RBM17: variants seen among roughly 807,000 people sequenced by gnomAD.
RBM17 encodes the protein RNA binding motif protein 17.
In RBM17, 7 loss-of-function variants were observed where a neutral mutation model predicts 53.2. The observed-to-expected ratio is 0.13, with a 90% confidence interval of 0.07 to 0.25. RBM17 has a LOEUF of 0.25. Ranked by LOEUF, RBM17 falls within the 10% of genes least tolerant of loss-of-function variation. The pLI is 1.00. For missense variants in RBM17, 257 were observed against 496.7 expected (o/e 0.52, Z 4.59); for synonymous variants, 167 against 178.1 (o/e 0.94, Z 0.50).
intron 1 of RBM17, among the ~76,000 whole-genome samples, chr10:6,090,319 A>G (rs943866801): frequency 1.3e-5 from 2 of 152,236 alleles, no homozygotes; most frequent in Admixed American, 6.5e-5. Context: ...ATGCAACACA[A>G]GTTTCCACAT....
chr10:6,107,916 A>G (rs1840778258), intron 5 of RBM17, among the ~76,000 whole-genome samples: 1 of 152,204 alleles, frequency 6.6e-6, no homozygotes, highest in Non-Finnish European at 1.5e-5. Flanking sequence ...TATTATGTAT[A>G]CGTAATCCAT....
chr10:6,108,754 T>C lies in RBM17; in HGVS notation c.562+12T>C, dbSNP rs1381915367. ...GAAAGACAAAGAGTGTAAGTAGATC[T>C]GTTTCTTCCTCTTTTATTCTGATAC... is the stretch of plus-strand genomic sequence containing the variant. On this transcript the variant is annotated intron_variant, in intron 6 of 11. Coordinates refer to ENST00000379888, the MANE Select transcript of RBM17 (RefSeq NM_032905.5). The C allele has an allele frequency of 1.9e-6, 3 of 1,601,500 alleles. No homozygotes were observed. Among genetic ancestry groups the C allele is most frequent in the Non-Finnish European group, 1.7e-6 (2 of 1,169,478 alleles).
At chr10:6,095,603 G>A (rs150612695) in intron 1 of RBM17, among the ~76,000 whole-genome samples, 159 of 152,224 alleles carry the variant, frequency 1.0e-3, no homozygotes, top group African/African-American at 3.7e-3. Context: ...GGCCTTGCGG[G>A]GACCTTTCAT....
chr10:6,114,322 A>G, intron 10 of RBM17, 175 bp downstream of exon 10: 2 of 478,784 alleles, frequency 4.2e-6, no homozygotes, highest in South Asian at 2.3e-5. Context: ...CATAAAGACA[A>G]TGATTTCAAG....
intron 11 of RBM17, 50 bp from the exon 12 acceptor site, chr10:6,115,403 C>T (rs780235364): frequency 2.0e-6 from 3 of 1,537,368 alleles, no homozygotes; most frequent in South Asian, 1.1e-5. Context: ...TAAAGTTAAA[C>T]CTTTATCTTA....
rs370086424 is a variant in RBM17, at chr10:6,090,957, C to T, written c.-19+1764C>T. Among the ~76,000 whole-genome samples the T allele has an allele frequency of 1.0e-4, 15 of 146,902 alleles. No homozygotes were observed. In the East Asian group the frequency reaches 2.3e-3, roughly 23 times the overall value. ...TTGCGGACACCAAAGTGCACCACCC[C>T]TCCTGTTCCTTTCTGGGTATATTTG... On this transcript the variant is annotated intron_variant, in intron 1 of 11. Transcript: ENST00000379888.
intron 6 of RBM17, among the ~76,000 whole-genome samples, chr10:6,109,364 C>A (rs7916878): frequency 0.56 from 85,757 of 152,052 alleles, 24,624 homozygotes; most frequent in Admixed American, 0.7. Context: ...TTGTTGAATT[C>A]TTTATCTTTT....
At chr10:6,102,149 CTG>C (rs1218799485) in intron 3 of RBM17, among the ~76,000 whole-genome samples, 1 of 152,192 alleles carries the variant, frequency 6.6e-6, no homozygotes, top group African/African-American at 2.4e-5. Context: ...CAAATAATGA[CTG>C]TGGTCATTTA....
chr10:6,102,928 T>C (rs1840689325), intron 3 of RBM17, among the ~76,000 whole-genome samples: 1 of 152,080 alleles, frequency 6.6e-6, no homozygotes, highest in Non-Finnish European at 1.5e-5. Context: ...GTCTACTGAG[T>C]AGTTAGGACC....
At position 6,112,207 on chromosome 10, in the gene RBM17, C is replaced by T; in HGVS notation, c.705-3C>T. On this transcript the variant is annotated splice_region_variant and splice_polypyrimidine_tract_variant and intron_variant, in intron 7 of 11. Coordinates refer to ENST00000379888, the MANE Select transcript of RBM17 (RefSeq NM_032905.5). The surrounding 1 kb of genome is among the most constrained non-coding windows in gnomAD (Gnocchi z 4.4). ...AGAGTCCTTTCCCTTCTTCTCCTGC[C>T]AGGGGCACGGTGGCGCACAAGATCA... 1 of 1,611,158 alleles carries T rather than the reference C, an allele frequency of 6.2e-7. No individual in the cohort carries two copies. The highest frequency in any genetic ancestry group is 2.2e-5 in the East Asian group (1 of 44,856).
At chr10:6,111,937 G>A (rs754384937) in intron 7 of RBM17, among the ~76,000 whole-genome samples, 71 of 152,192 alleles carry the variant, frequency 4.7e-4, no homozygotes, top group Admixed American at 1.1e-3. Flanking sequence ...TTTCCTAGCA[G>A]GGCACTGAGG....
rs535195259 is a variant in RBM17, at chr10:6,102,116, T to G, written c.240+729T>G. On this transcript the variant is annotated intron_variant, in intron 3 of 11. Transcript: ENST00000379888. The stretch of plus-strand genomic sequence containing the variant: ...ATTATACCCACAATTTAAGTATACA[T>G]TTATCTTTCCACAGATGGCGTTCAA... Among the ~76,000 whole-genome samples, 4 of 152,362 alleles carry G rather than the reference T, an allele frequency of 2.6e-5. No homozygotes were observed. The East Asian group carries it at 7.7e-4, about 29-fold the overall frequency.
intron 1 of RBM17, among the ~76,000 whole-genome samples, chr10:6,096,258 C>A (rs775209053): frequency 2.0e-5 from 3 of 152,102 alleles, no homozygotes; most frequent in Admixed American, 6.5e-5. Context: ...GAAGGGGCTT[C>A]CGCTGTGGCC....
chr10:6,094,160 A>G (rs576734427), intron 1 of RBM17, among the ~76,000 whole-genome samples: 2 of 151,842 alleles, frequency 1.3e-5, no homozygotes, highest in Non-Finnish European at 2.9e-5. Context: ...CTGTATTTTT[A>G]GTAGAGACGG....
Position 6,100,297 on chromosome 10 carries a change from C to G in RBM17, c.124-974C>G, listed in dbSNP as rs150353671. Reference sequence around the variant, plus strand: ...TAATCAAAAGATCTAATGGTTACCACCATACCCATATGATCAACCTTAGCA... The same window carrying G: ...TAATCAAAAGATCTAATGGTTACCAGCATACCCATATGATCAACCTTAGCA... On this transcript the variant is annotated intron_variant, in intron 2 of 11. Transcript: ENST00000379888. Among the ~76,000 whole-genome samples, 678 of 152,322 alleles carry G rather than the reference C, an allele frequency of 4.5e-3. 5 individuals are homozygous for G. Among genetic ancestry groups the G allele is most frequent in the Non-Finnish European group, 4.5e-3 (306 of 68,026 alleles).
chr10:6,106,157 C>CATG lies in RBM17; in HGVS notation c.426_428dup (p.His142_Glu143insAsp). 6.2e-7 allele frequency: 1 copy of CATG among 1,612,984 alleles called. No homozygotes were observed. The highest frequency in any genetic ancestry group is 8.5e-7 in the Non-Finnish European group (1 of 1,179,106). On this transcript the variant is annotated inframe_insertion, in exon 5 of 12. Coordinates refer to ENST00000379888, the MANE Select transcript of RBM17 (RefSeq NM_032905.5). ...TTATCACAGAAGGCGTAAAGACAGA[C>CATG]ATGAAGCAAGTGGGTTTGCAAGGAG...
At position 6,105,108 on chromosome 10, in the gene RBM17, C is replaced by A; in HGVS notation, c.407+11C>A. On this transcript the variant is annotated intron_variant, in intron 4 of 11. Transcript: ENST00000379888. ...AGAAGAAAGGGAAAAGTAAGGCTTC[C>A]TTTGGATTTGGGGATATTTTACAGT... The A allele has an allele frequency of 1.2e-6, 2 of 1,609,722 alleles. No individual in the cohort carries two copies. Among genetic ancestry groups the A allele is most frequent in the Non-Finnish European group, 1.7e-6 (2 of 1,177,082 alleles).
chr10:6,107,618 A>T (rs1443318080), intron 5 of RBM17, among the ~76,000 whole-genome samples: 2 of 150,058 alleles, frequency 1.3e-5, no homozygotes, highest in Non-Finnish European at 2.9e-5. Flanking sequence ...AGTAGCTGGG[A>T]TTACAGGTGT....
intron 2 of RBM17, among the ~76,000 whole-genome samples, chr10:6,098,734 C>G (rs908516151): frequency 8.5e-5 from 13 of 152,060 alleles, no homozygotes; most frequent in African/African-American, 3.1e-4. Flanking sequence ...CACCACTGCG[C>G]CTGCGGTGTT....
Sources: allele counts gnomAD v4.1 joint callset (sites outside exome capture counted in the v4.1 genomes callset), GRCh38; gene constraint gnomAD v4.1.1; non-coding constraint Gnocchi (gnomAD v3.1); transcripts MANE v1.5; gene names NCBI Gene and HGNC (gene_info 2026-07-23, HGNC 2026-07-21).